DCDC1: variants seen among roughly 807,000 people sequenced by gnomAD.
The protein encoded by DCDC1 is doublecortin domain containing 1, also known as doublecortin domain-containing protein 1.
In DCDC1, 200 loss-of-function variants were observed where a neutral mutation model predicts 178.3. The ratio of observed to expected loss-of-function variants is 1.12; its 90% CI spans 1.00 to 1.26. The LOEUF (loss-of-function observed/expected upper bound fraction) is 1.26, where lower values mean the gene tolerates loss of function less well. Among genes scored for constraint, DCDC1 ranks in the 50% most tolerant of loss-of-function variants. The pLI, the probability that DCDC1 is intolerant of heterozygous loss-of-function variation, is 0.00. For missense variants in DCDC1, 1,983 were observed against 1,749.2 expected (o/e 1.13, Z -2.38); for synonymous variants, 690 against 604.8 (o/e 1.14, Z -2.07).
intron 15 of DCDC1, among the ~76,000 whole-genome samples, chr11:31,101,275 C>T (rs1958484214): frequency 6.6e-6 from 1 of 152,186 alleles, no homozygotes; most frequent in African/African-American, 2.4e-5. Flanking sequence ...TGAGCAACAA[C>T]CGTACACAGC....
intron 22 of DCDC1, among the ~76,000 whole-genome samples, chr11:30,927,446 A>G (rs1946656366): frequency 6.6e-6 from 1 of 152,212 alleles, no homozygotes; most frequent in South Asian, 2.1e-4. Context: ...AACCTCCAGC[A>G]GAACATCCTA....
intron 20 of DCDC1, among the ~76,000 whole-genome samples, chr11:31,022,648 T>C (rs1952956179): frequency 7.1e-6 from 1 of 140,908 alleles, no homozygotes; most frequent in Non-Finnish European, 1.5e-5. Flanking sequence ...TTAGTTTGTG[T>C]GTGTGTGTGT....
chr11:30,982,477 T>C (rs934547398), intron 20 of DCDC1, among the ~76,000 whole-genome samples: 3 of 152,036 alleles, frequency 2.0e-5, no homozygotes, highest in Admixed American at 2.0e-4. Flanking sequence ...TTTCATTTTA[T>C]GTAGCATTAA....
chr11:31,104,676 G>T (rs1958735552), intron 13 of DCDC1, among the ~76,000 whole-genome samples: 1 of 152,024 alleles, frequency 6.6e-6, no homozygotes, highest in Non-Finnish European at 1.5e-5. Context: ...GACTGTGTTA[G>T]ATATTATAAT....
chr11:31,310,759 A>C (rs1342807741), intron 3 of DCDC1, among the ~76,000 whole-genome samples: 2 of 152,166 alleles, frequency 1.3e-5, no homozygotes, highest in Admixed American at 1.3e-4. Flanking sequence ...AGTTTGCTAA[A>C]CTGGTGCTGG....
At chr11:31,072,167 T>C (rs1460898406) in intron 18 of DCDC1, among the ~76,000 whole-genome samples, 2 of 152,188 alleles carry the variant, frequency 1.3e-5, no homozygotes, top group Admixed American at 1.3e-4. Context: ...GAAAATACCA[T>C]CTCATTGTTT....
In DCDC1 at chr11:31,123,435, G is replaced by C. The variant is rs149005239; in HGVS notation, c.1485+4034C>G. Among the ~76,000 whole-genome samples, 1,071 of 151,940 alleles carry C rather than the reference G, an allele frequency of 7.0e-3. 14 individuals carry two copies. Among genetic ancestry groups the C allele is most frequent in the African/African-American group, 0.025 (1,016 of 41,442 alleles). ...TAAATAATGGCTATATAAAACAACT[G>C]GCTTACAAAATTCCTGAAAACTTAA... On this transcript the variant is annotated intron_variant, in intron 11 of 38. Coordinates refer to ENST00000684477, the MANE Select transcript of DCDC1 (RefSeq NM_001387274.1).
intron 9 of DCDC1, among the ~76,000 whole-genome samples, chr11:31,166,443 T>A (rs1408504611): frequency 1.3e-5 from 2 of 152,172 alleles, no homozygotes; most frequent in Admixed American, 6.5e-5. Context: ...CCTTAATGTA[T>A]GCAAATTTAA....
At chr11:31,083,234 A>T (rs1957294472) in intron 17 of DCDC1, among the ~76,000 whole-genome samples, 1 of 152,220 alleles carries the variant, frequency 6.6e-6, no homozygotes, top group African/African-American at 2.4e-5. Flanking sequence ...GAAAGACGGT[A>T]AAGATTACTT....
At position 31,307,713 on chromosome 11, in the gene DCDC1, G is replaced by A; in HGVS notation, c.360C>T (p.Asn120=). ...EISDLDSYKS[N]SKNNSCSISA... ...ATATAGAACAAGAATTGTTTTTACTGTTTGATTTGTAGCTATCTAGGTCTG... is the reference window on the plus strand; with the variant it reads ...ATATAGAACAAGAATTGTTTTTACTATTTGATTTGTAGCTATCTAGGTCTG... Residue 120 remains asparagine, a synonymous_variant, in exon 4 of 39, where the codon AAC becomes AAT. Transcript: ENST00000684477. 6.2e-7 allele frequency: 1 copy of A among 1,614,040 alleles called. No homozygotes were observed. Among genetic ancestry groups the A allele is most frequent in the Non-Finnish European group, 8.5e-7 (1 of 1,179,954 alleles).
At chr11:30,975,552 T>C (rs1022794050) in intron 20 of DCDC1, among the ~76,000 whole-genome samples, 1 of 152,044 alleles carries the variant, frequency 6.6e-6, no homozygotes, top group South Asian at 2.1e-4. Context: ...CAATAATTGG[T>C]AGTATTTCTA....
chr11:30,997,678 G>A (rs1477941839), intron 20 of DCDC1, among the ~76,000 whole-genome samples: 1 of 152,048 alleles, frequency 6.6e-6, no homozygotes, highest in Non-Finnish European at 1.5e-5. Context: ...CTGGCTTCTC[G>A]CTATCAGAGA....
chr11:30,879,526 G>A (rs189354833), intron 37 of DCDC1, among the ~76,000 whole-genome samples: 89 of 152,234 alleles, frequency 5.8e-4, no homozygotes, highest in African/African-American at 2.0e-3. Flanking sequence ...ACAATAGGAG[G>A]AAACCACTAA....
chr11:31,022,753 T>A (rs1439585987), intron 20 of DCDC1, among the ~76,000 whole-genome samples: 2 of 151,682 alleles, frequency 1.3e-5, no homozygotes, highest in Non-Finnish European at 2.9e-5. Context: ...TGTGTGTGTG[T>A]GTGTGTATAG....
intron 20 of DCDC1, among the ~76,000 whole-genome samples, chr11:30,986,463 G>C (rs1456928120): frequency 2.0e-5 from 3 of 151,606 alleles, no homozygotes; most frequent in African/African-American, 4.8e-5. Flanking sequence ...CTCCCAATTA[G>C]CTGGGACTAC....
At chr11:31,095,646 G>C (rs1238696229) in intron 15 of DCDC1, among the ~76,000 whole-genome samples, 3 of 152,064 alleles carry the variant, frequency 2.0e-5, no homozygotes, top group African/African-American at 7.2e-5. Flanking sequence ...GGATGGATAG[G>C]GGGTACTGAA....
At chr11:30,986,558 C>G (rs944968305) in intron 20 of DCDC1, among the ~76,000 whole-genome samples, 1 of 152,074 alleles carries the variant, frequency 6.6e-6, no homozygotes, top group African/African-American at 2.4e-5. Context: ...GTCTCCATCT[C>G]GTGACCTTGT....
intron 38 of DCDC1, among the ~76,000 whole-genome samples, chr11:30,867,778 T>A (rs1941133428): frequency 6.6e-6 from 1 of 152,140 alleles, no homozygotes; most frequent in Non-Finnish European, 1.5e-5. Context: ...GCAGATGAAC[T>A]TCCAGGAATC....
Position 30,909,954 on chromosome 11 carries a change from A to G in DCDC1, c.3748-838T>C, listed in dbSNP as rs1038398656. ...GGAACTTTTATAATTAATAACATCT[A>G]CTTTACCAAGCGAGAGCTTAATAGC... On this transcript the variant is annotated intron_variant, in intron 28 of 38. Coordinates refer to ENST00000684477, the MANE Select transcript of DCDC1 (RefSeq NM_001387274.1). Among the ~76,000 whole-genome samples the G allele has an allele frequency of 8.5e-5, 13 of 152,322 alleles. No homozygotes were observed. The East Asian group carries it at 2.5e-3, about 29-fold the overall frequency.
Sources: allele counts gnomAD v4.1 joint callset (sites outside exome capture counted in the v4.1 genomes callset), GRCh38; gene constraint gnomAD v4.1.1; transcripts MANE v1.5; gene names NCBI Gene and HGNC (gene_info 2026-07-23, HGNC 2026-07-21).